CAMTA1: variants seen among roughly 807,000 people sequenced by gnomAD.
CAMTA1 encodes the protein calmodulin binding transcription activator 1.
In CAMTA1, 27 loss-of-function variants were observed where a neutral mutation model predicts 170.9. That is an observed-to-expected ratio of 0.16 (90% CI 0.12 to 0.22). CAMTA1 has a LOEUF of 0.22. Ranked by LOEUF, CAMTA1 falls within the 10% of genes least tolerant of loss-of-function variation. The probability of loss-of-function intolerance (pLI) is 1.00; values close to 1 mark genes in which losing one functional copy is unlikely to be tolerated. For missense variants in CAMTA1, 1,619 were observed against 2,217.2 expected (o/e 0.73, Z 5.42); for synonymous variants, 833 against 891.5 (o/e 0.93, Z 1.17).
intron 4 of CAMTA1, among the ~76,000 whole-genome samples, chr1:7,240,044 A>G (rs1278782735): frequency 6.6e-6 from 1 of 152,196 alleles, no homozygotes; most frequent in African/African-American, 2.4e-5. Context: ...TTAAGTTTCC[A>G]ACACATGACC....
Position 7,299,974 on chromosome 1 carries a change from G to A in CAMTA1, c.438+50348G>A, listed in dbSNP as rs1166010403. Among the ~76,000 whole-genome samples, 5 of 152,062 alleles carry A rather than the reference G, an allele frequency of 3.3e-5. No individual in the cohort carries two copies. Among genetic ancestry groups the A allele is most frequent in the African/African-American group, 1.2e-4 (5 of 41,396 alleles). ...TTGACTTCCTAGCAACCCTGACTGT[G>A]GTCTGATTCCTTTAAGATCCAGAAC... On this transcript the variant is annotated intron_variant, in intron 5 of 22. Coordinates refer to ENST00000303635, the MANE Select transcript of CAMTA1 (RefSeq NM_015215.4). The surrounding 1 kb of genome is among the most constrained non-coding windows in gnomAD (Gnocchi z 4.7).
chr1:7,077,968 T>C (rs1219316316), intron 3 of CAMTA1, among the ~76,000 whole-genome samples: 2 of 151,618 alleles, frequency 1.3e-5, no homozygotes, highest in Admixed American at 6.6e-5. Context: ...TGGGGTTATT[T>C]ATGGGTGGGA....
chr1:6,912,971 G>T (rs1680034523), intron 3 of CAMTA1, among the ~76,000 whole-genome samples: 1 of 152,174 alleles, frequency 6.6e-6, no homozygotes, highest in South Asian at 2.1e-4. Flanking sequence ...GCCCAGCGTG[G>T]AGTTATTGCC....
intron 5 of CAMTA1, among the ~76,000 whole-genome samples, chr1:7,412,681 AAAATT>A (rs1229470178): frequency 8.5e-5 from 13 of 152,128 alleles, no homozygotes; most frequent in African/African-American, 3.1e-4. Context: ...GTAGGTTGCG[AAAATT>A]TTCTCCCATT....
chr1:6,942,253 A>G (rs1458003421), intron 3 of CAMTA1, among the ~76,000 whole-genome samples: 8 of 152,228 alleles, frequency 5.3e-5, no homozygotes, highest in Non-Finnish European at 1.5e-5. Context: ...AAATGAATTT[A>G]GTATTTTAAT....
intron 3 of CAMTA1, among the ~76,000 whole-genome samples, chr1:7,005,835 A>T (rs1698923929): frequency 6.6e-6 from 1 of 152,220 alleles, no homozygotes; most frequent in Admixed American, 6.5e-5. Context: ...TGAGTACCAA[A>T]TGGATGCGGC....
intron 3 of CAMTA1, among the ~76,000 whole-genome samples, chr1:6,905,875 C>T (rs1392410093): frequency 2.0e-5 from 3 of 152,120 alleles, no homozygotes; most frequent in African/African-American, 4.8e-5. Context: ...AGAGTTGCTG[C>T]CTGTGGACCC....
chr1:7,758,833 G>A (rs2096952351), intron 22 of CAMTA1, among the ~76,000 whole-genome samples: 1 of 151,668 alleles, frequency 6.6e-6, no homozygotes, highest in South Asian at 2.1e-4. Context: ...TACTCGGGAG[G>A]CTGAGGCAGG....
At position 7,664,263 on chromosome 1, in the gene CAMTA1, C is replaced by T. The variant is rs944402593; in HGVS notation, c.1716C>T (p.Gly572=). 1.2e-5 allele frequency: 19 copies of T among 1,612,540 alleles called. No individual in the cohort carries two copies. Among genetic ancestry groups the T allele is most frequent in the Non-Finnish European group, 1.4e-5 (17 of 1,179,904 alleles). Residue 572 remains glycine, a synonymous_variant, in exon 9 of 23, where the codon GGC becomes GGT. Coordinates refer to ENST00000303635, the MANE Select transcript of CAMTA1 (RefSeq NM_015215.4). The part of the protein sequence containing the change: ...LTAGSSLLPS[G]GGLSPSTTLE... The stretch of plus-strand genomic sequence containing the variant: ...CCGGCTCCAGCCTCCTGCCGTCGGG[C>T]GGCGGCCTGAGTCCCAGCACCACCC...
intron 4 of CAMTA1, among the ~76,000 whole-genome samples, chr1:7,117,013 G>A (rs1334506095): frequency 6.6e-6 from 1 of 151,276 alleles, no homozygotes; most frequent in Non-Finnish European, 1.5e-5. Context: ...TTGTTGCCCA[G>A]GCTGGAGTGC....
At chr1:7,514,440 C>A (rs1466040673) in intron 6 of CAMTA1, among the ~76,000 whole-genome samples, 1 of 152,246 alleles carries the variant, frequency 6.6e-6, no homozygotes, top group Middle Eastern at 3.2e-3. Context: ...ATTCCTTGAG[C>A]ACCTATGATG....
chr1:6,890,334 C>T (rs1269558299), intron 3 of CAMTA1, among the ~76,000 whole-genome samples: 1 of 152,170 alleles, frequency 6.6e-6, no homozygotes, highest in African/African-American at 2.4e-5. Flanking sequence ...GTTGAGATTT[C>T]CCATGAGGAA....
chr1:7,716,353 C>T (rs781732722), intron 11 of CAMTA1, among the ~76,000 whole-genome samples: 7 of 152,076 alleles, frequency 4.6e-5, no homozygotes, highest in Non-Finnish European at 7.4e-5. Flanking sequence ...TCATTTTATC[C>T]ATTAGGACCT....
At position 7,663,428 on chromosome 1, in the gene CAMTA1, C is replaced by A; in HGVS notation, c.881C>A (p.Thr294Lys). 6.4e-7 allele frequency: 1 copy of A among 1,568,746 alleles called. No homozygotes were observed. The part of the protein sequence containing the change: ...RIISPKVEPR[T>K]GGYGSHSEVQ... ...ATCTCGCCCAAGGTGGAGCCACGGACAGGGGGGTACGGGAGCCACTCGGAG... is the reference window on the plus strand; with the variant it reads ...ATCTCGCCCAAGGTGGAGCCACGGAAAGGGGGGTACGGGAGCCACTCGGAG... The change falls in exon 9 of 23, where the codon ACA becomes AAA. Residue 294 changes from threonine to lysine, a missense_variant. By Grantham distance (78) the Thr-to-Lys change is moderately conservative. Around this residue, in one of 8 missense-constraint regions of CAMTA1, gnomAD observed 731 missense variants for 907.6 expected, o/e 0.81. Transcript: ENST00000303635.
chr1:6,990,441 A>G (rs932313929), intron 3 of CAMTA1, among the ~76,000 whole-genome samples: 1 of 152,236 alleles, frequency 6.6e-6, no homozygotes, highest in African/African-American at 2.4e-5. Context: ...TTGGTTTGAT[A>G]TATTTCACAG....
intron 5 of CAMTA1, among the ~76,000 whole-genome samples, chr1:7,416,307 G>A (rs2091168047): frequency 1.3e-5 from 2 of 152,184 alleles, no homozygotes; most frequent in East Asian, 1.9e-4. Flanking sequence ...ATGTTGGCCT[G>A]CCTTGCTAGT....
At chr1:7,370,752 A>G (rs2086379084) in intron 5 of CAMTA1, among the ~76,000 whole-genome samples, 1 of 152,178 alleles carries the variant, frequency 6.6e-6, no homozygotes, top group Admixed American at 6.5e-5. Flanking sequence ...GGATATATCA[A>G]TTGAGAAATA....
rs926706158 is a variant in CAMTA1 at position 7,115,664 on chromosome 1, A to G, written c.302+24293A>G. Among the ~76,000 whole-genome samples the G allele has an allele frequency of 1.0e-4, 13 of 128,028 alleles. 1 individual carries two copies. The highest frequency in any genetic ancestry group is 6.2e-4 in the Admixed American group (8 of 12,998). The allele number at this position is 128,028 out of a possible 152,430, so 84.0% of individuals were successfully genotyped here. A position where few individuals can be genotyped will look rare whatever the true frequency, so the allele number is the denominator to read the frequency against. The stretch of plus-strand genomic sequence containing the variant: ...AGCCTGAGACCCAGGAGAGCTGATG[A>G]TGTTGTTCCAGTCTGAATCTGAAAG... On this transcript the variant is annotated intron_variant, in intron 4 of 22. Coordinates refer to ENST00000303635, the MANE Select transcript of CAMTA1 (RefSeq NM_015215.4).
chr1:6,963,061 C>T (rs761719568), intron 3 of CAMTA1, among the ~76,000 whole-genome samples: 15 of 151,236 alleles, frequency 9.9e-5, no homozygotes, highest in Non-Finnish European at 1.9e-4. Context: ...CCCTTCTCCT[C>T]TGGACCAACC....
Sources: allele counts gnomAD v4.1 joint callset (sites outside exome capture counted in the v4.1 genomes callset), GRCh38; gene constraint gnomAD v4.1.1; regional missense constraint gnomAD v4.1.1; non-coding constraint Gnocchi (gnomAD v3.1); transcripts MANE v1.5; gene names NCBI Gene and HGNC (gene_info 2026-07-23, HGNC 2026-07-21).